ZNF562: variants seen among roughly 807,000 people sequenced by gnomAD.
ZNF562 encodes zinc finger protein 562.
In ZNF562, 13 loss-of-function variants were observed where a neutral mutation model predicts 17.5. The ratio of observed to expected loss-of-function variants is 0.74; its 90% CI spans 0.48 to 1.18. The LOEUF (loss-of-function observed/expected upper bound fraction) is 1.18. Among genes scored for constraint, ZNF562 ranks in the 50% most tolerant of loss-of-function variants. The pLI is 0.00. For synonymous variants in ZNF562, 163 were observed against 165.4 expected (o/e 0.99, Z 0.11); for missense variants, 481 against 498.5 (o/e 0.96, Z 0.33).
At position 9,671,263 on chromosome 19, in the gene ZNF562, A is replaced by T. The variant is rs560953089; in HGVS notation, c.-131+3752T>A. Among the ~76,000 whole-genome samples the T allele has an allele frequency of 3.3e-5, 5 of 152,270 alleles. No individual in the cohort carries two copies. In the South Asian group the frequency reaches 1.0e-3, roughly 32 times the overall value. On this transcript the variant is annotated intron_variant, in intron 1 of 5. Coordinates refer to ENST00000453372, the MANE Select transcript of ZNF562 (RefSeq NM_001130031.2). Reference sequence around the variant, plus strand: ...TATGTTCATCTATTATGAATCAAAAAAATTTTTCTGGATTGTAAAATAGGG... The same window carrying T: ...TATGTTCATCTATTATGAATCAAAATAATTTTTCTGGATTGTAAAATAGGG...
chr19:9,665,530 A>G (rs1183807338), intron 1 of ZNF562, among the ~76,000 whole-genome samples: 1 of 152,184 alleles, frequency 6.6e-6, no homozygotes, highest in Non-Finnish European at 1.5e-5. Flanking sequence ...GAGGGGAGGC[A>G]GGACTACCAT....
intron 1 of ZNF562, among the ~76,000 whole-genome samples, chr19:9,665,701 G>A (rs1317194576): frequency 1.3e-5 from 2 of 152,126 alleles, no homozygotes; most frequent in Non-Finnish European, 2.9e-5. Flanking sequence ...GGCAAACATG[G>A]GTTTAAGATT....
intron 1 of ZNF562, among the ~76,000 whole-genome samples, chr19:9,673,377 G>A (rs1404884345): frequency 2.0e-5 from 3 of 152,058 alleles, no homozygotes; most frequent in Admixed American, 1.3e-4. Flanking sequence ...TTTTGCCTGA[G>A]TGCTGGTTTC....
At chr19:9,667,059 A>G (rs1482391504) in intron 1 of ZNF562, among the ~76,000 whole-genome samples, 1 of 152,006 alleles carries the variant, frequency 6.6e-6, no homozygotes, top group Non-Finnish European at 1.5e-5. Flanking sequence ...AGACAAGAGC[A>G]CAACAACAAC....
Position 9,647,994 on chromosome 19 carries a change from C to T in ZNF562, c.*4955G>A, listed in dbSNP as rs989278936. The stretch of plus-strand genomic sequence containing the variant: ...TCCTTGGCTCAAGGGATCTTTTTGC[C>T]TCAGCCTCCAAAAGTGCTGGGATTA... On this transcript the variant is annotated 3_prime_UTR_variant, in exon 6 of 6. Coordinates refer to ENST00000453372, the MANE Select transcript of ZNF562 (RefSeq NM_001130031.2). 3 of 152,196 alleles carry T rather than the reference C, an allele frequency of 2.0e-5. No individual in the cohort carries two copies. The highest frequency in any genetic ancestry group is 4.8e-5 in the African/African-American group (2 of 41,450). 9.4% of individuals were successfully genotyped at this position (152,196 alleles called of 1,614,324 possible). A position where few individuals can be genotyped will look rare whatever the true frequency, so the allele number is the denominator to read the frequency against.
chr19:9,669,708 A>AGCGCGCGCG (rs1568281408), intron 1 of ZNF562, among the ~76,000 whole-genome samples: 1 of 140,082 alleles, frequency 7.1e-6, no homozygotes, highest in East Asian at 2.1e-4. Context: ...GTCTGCATGC[A>AGCGCGCGCG]CGCGCGCGAG....
chr19:9,663,779 C>T (rs565361599), intron 1 of ZNF562, among the ~76,000 whole-genome samples: 1 of 152,010 alleles, frequency 6.6e-6, no homozygotes, highest in Admixed American at 6.6e-5. Context: ...CAGGTTCAAG[C>T]GATTTTCCTG....
At position 9,643,524 on chromosome 19, in the gene ZNF562, C is replaced by G. The variant is rs973887647; in HGVS notation, c.*9425G>C. On this transcript the variant is annotated 3_prime_UTR_variant, in exon 6 of 6. Coordinates refer to ENST00000453372, the MANE Select transcript of ZNF562 (RefSeq NM_001130031.2). ...TAAATGCCACTGGGTTTACTATTTT[C>G]TTATCAAGCAGTTGGAATTTATTTG... 1 of 151,740 alleles carries G rather than the reference C, an allele frequency of 6.6e-6. No homozygotes were observed. Among genetic ancestry groups the G allele is most frequent in the Non-Finnish European group, 1.5e-5 (1 of 67,984 alleles). 9.4% of individuals were successfully genotyped at this position (151,740 alleles called of 1,614,324 possible).
At chr19:9,664,764 GC>G (rs2043881964) in intron 1 of ZNF562, among the ~76,000 whole-genome samples, 2 of 152,056 alleles carry the variant, frequency 1.3e-5, no homozygotes, top group Admixed American at 6.6e-5. Flanking sequence ...GGTGGCTCAT[GC>G]CTGTAATCCC....
intron 1 of ZNF562, among the ~76,000 whole-genome samples, chr19:9,670,319 C>T (rs1443179741): frequency 1.3e-5 from 2 of 151,926 alleles, no homozygotes; most frequent in African/African-American, 4.8e-5. Context: ...ATCTGGAATC[C>T]CATTGGGTAT....
intron 1 of ZNF562, among the ~76,000 whole-genome samples, chr19:9,666,598 A>G (rs1291619459): frequency 6.6e-6 from 1 of 152,086 alleles, no homozygotes; most frequent in Non-Finnish European, 1.5e-5. Context: ...AAGATCAATA[A>G]AACATAAAGT....
chr19:9,653,031 T>A lies in ZNF562; in HGVS notation c.1199A>T (p.Tyr400Phe), dbSNP rs2074894371. 5 of 1,578,426 alleles carry A rather than the reference T, an allele frequency of 3.2e-6. No individual in the cohort carries two copies. Among genetic ancestry groups the A allele is most frequent in the Non-Finnish European group, 4.3e-6 (5 of 1,164,302 alleles). The change falls in exon 6 of 6, where the codon TAT (tyrosine) becomes TTT (phenylalanine). Residue 400 changes from tyrosine (Y) to phenylalanine (F), a missense_variant. Coordinates refer to ENST00000453372, the MANE Select transcript of ZNF562 (RefSeq NM_001130031.2). ...GGTCTTCCCACATTCAACACATTCA[T>A]AAGGCTTCTCTCCTGTGTGAATTCT... ...HRRIHTGEKP[Y>F]ECVECGKTFI...
rs184203226 is a variant in ZNF562, at chr19:9,654,814, C to A, written c.349-933G>T. 7.3e-4 allele frequency among the ~76,000 whole-genome samples: 111 copies of A among 152,172 alleles called. No homozygotes were observed. In the East Asian group the frequency reaches 0.019, roughly 25 times the overall value. On this transcript the variant is annotated intron_variant, in intron 5 of 5. Transcript: ENST00000453372. ...GGCTGGTCTCAAACTCTACAAGAAACCCCCGTCTCAGCCTCCCAAACTGCT... is the reference window on the plus strand; with the variant it reads ...GGCTGGTCTCAAACTCTACAAGAAAACCCCGTCTCAGCCTCCCAAACTGCT...
At position 9,652,999 on chromosome 19, in the gene ZNF562, T is replaced by G. The variant is rs1468358259; in HGVS notation, c.1231A>C (p.Thr411Pro). Residue 411 changes from threonine to proline, a missense_variant, in exon 6 of 6, where the codon ACT becomes CCT. Transcript: ENST00000453372. Reference sequence around the variant, plus strand: ...AAATGTTTACTACGATGGGAAGAAGTAATGAAGGTCTTCCCACATTCAACA... The same window carrying G: ...AAATGTTTACTACGATGGGAAGAAGGAATGAAGGTCTTCCCACATTCAACA... ...ECVECGKTFITSSHRSKHLKT... is the reference protein window; with the variant it reads ...ECVECGKTFIPSSHRSKHLKT... 2 of 1,529,680 alleles carry G rather than the reference T, an allele frequency of 1.3e-6. No homozygotes were observed. The highest frequency in any genetic ancestry group is 1.8e-6 in the Non-Finnish European group (2 of 1,140,196). The allele number at this position is 1,529,680 out of a possible 1,614,324, so 94.8% of individuals were successfully genotyped here. A position where few individuals can be genotyped will look rare whatever the true frequency, so the allele number is the denominator to read the frequency against.
At chr19:9,657,867 T>G (rs1206756027) in intron 4 of ZNF562, 142 bp downstream of exon 4, 12 of 1,201,378 alleles carry the variant, frequency 1.0e-5, no homozygotes, top group African/African-American at 1.5e-5. Context: ...TCTTAGGATT[T>G]TTTTTTAGAG....
intron 4 of ZNF562, among the ~76,000 whole-genome samples, chr19:9,657,542 T>C (rs879871197): frequency 4.1e-5 from 6 of 145,714 alleles, no homozygotes; most frequent in Non-Finnish European, 7.4e-5. Context: ...AAAGTGGATC[T>C]TTAAAAATCT....
At chr19:9,664,759 C>T (rs2043881486) in intron 1 of ZNF562, among the ~76,000 whole-genome samples, 1 of 151,916 alleles carries the variant, frequency 6.6e-6, no homozygotes, top group Non-Finnish European at 1.5e-5. Flanking sequence ...GGCATGGTGG[C>T]TCATGCCTGT....
chr19:9,648,283 T>C lies in ZNF562; in HGVS notation c.*4666A>G, dbSNP rs942751713. On this transcript the variant is annotated 3_prime_UTR_variant, in exon 6 of 6. Coordinates refer to ENST00000453372, the MANE Select transcript of ZNF562 (RefSeq NM_001130031.2). The stretch of plus-strand genomic sequence containing the variant: ...GATGTAACATTGGAAAAGCAATAAA[T>C]ACAAATACCACATTTATTTAATTTA... 6.6e-6 allele frequency: 1 copy of C among 152,170 alleles called. No homozygotes were observed. The highest frequency in any genetic ancestry group is 1.5e-5 in the Non-Finnish European group (1 of 68,034). 9.4% of individuals were successfully genotyped at this position (152,170 alleles called of 1,614,324 possible).
Position 9,645,162 on chromosome 19 carries a change from C to T in ZNF562, c.*7787G>A, listed in dbSNP as rs1223839802. On this transcript the variant is annotated 3_prime_UTR_variant, in exon 6 of 6. Coordinates refer to ENST00000453372, the MANE Select transcript of ZNF562 (RefSeq NM_001130031.2). Reference sequence around the variant, plus strand: ...TCCCAGGTTGAAGTGATTCTCCCATCTCAGCCCCCAAGTAGCTGGGACTAC... The same window carrying T: ...TCCCAGGTTGAAGTGATTCTCCCATTTCAGCCCCCAAGTAGCTGGGACTAC... 3.3e-5 allele frequency: 5 copies of T among 151,998 alleles called. No homozygotes were observed. Among genetic ancestry groups the T allele is most frequent in the African/African-American group, 9.7e-5 (4 of 41,356 alleles). 9.4% of individuals were successfully genotyped at this position (151,998 alleles called of 1,614,324 possible).
Sources: allele counts gnomAD v4.1 joint callset (sites outside exome capture counted in the v4.1 genomes callset), GRCh38; gene constraint gnomAD v4.1.1; transcripts MANE v1.5; gene names NCBI Gene and HGNC (gene_info 2026-07-23, HGNC 2026-07-21).